The following CACNA1C variants were observed in gnomAD, a reference collection of about 807,000 sequenced individuals.
CACNA1C encodes the protein voltage-dependent L-type calcium channel subunit alpha-1C.
Under a neutral mutation model 229.0 loss-of-function variants are expected in CACNA1C, and 30 were observed. The observed-to-expected ratio is 0.13, with a 90% CI of 0.10 to 0.18. The LOEUF is 0.18. Ranked by LOEUF, CACNA1C falls within the 10% of genes least tolerant of loss-of-function variation. The pLI is 1.00. For synonymous variants in CACNA1C, 1,114 were observed against 1,132.5 expected, an observed-to-expected ratio of 0.98 and a Z score of 0.33; for missense variants, 1,658 against 2,845.0, an observed-to-expected ratio of 0.58 and a Z score of 9.49.
At chr12:2,320,566 T>G (rs925778303) in intron 3 of CACNA1C, among the ~76,000 whole-genome samples, 1 of 152,190 alleles carries the variant, frequency 6.6e-6, no homozygotes, top group Admixed American at 6.5e-5. Context: ...GTGGATACCG[T>G]AAGGGGCTGG....
At chr12:1,998,073 C>A (rs2041359136) in intron 1 of CACNA1C, 3 of 1,030,952 alleles carry the variant, frequency 2.9e-6, no homozygotes, top group Non-Finnish European at 1.4e-6. Context: ...TATATAACTT[C>A]AATGGGCCAA....
intron 1 of CACNA1C, among the ~76,000 whole-genome samples, chr12:2,092,502 T>C (rs1252014180): frequency 6.6e-6 from 1 of 152,088 alleles, no homozygotes; most frequent in Non-Finnish European, 1.5e-5. Context: ...GGACGTGGCA[T>C]TGAGGGGCAA....
chr12:2,536,431 G>T (rs1208995564), intron 9 of CACNA1C, among the ~76,000 whole-genome samples: 4 of 152,120 alleles, frequency 2.6e-5, no homozygotes, highest in Non-Finnish European at 5.9e-5. Flanking sequence ...AGAAAGGGAG[G>T]CAGCACTGAT....
intron 13 of CACNA1C, among the ~76,000 whole-genome samples, chr12:2,576,341 G>A (rs1006520195): frequency 1.3e-5 from 2 of 152,146 alleles, no homozygotes; most frequent in East Asian, 1.9e-4. Flanking sequence ...GCTGGACACC[G>A]GCACCCGGGT....
intron 3 of CACNA1C, among the ~76,000 whole-genome samples, chr12:2,260,759 A>G (rs895518640): frequency 6.6e-6 from 1 of 152,190 alleles, no homozygotes; most frequent in East Asian, 1.9e-4. Context: ...GGGGTTAATT[A>G]TATATACCTT....
intron 1 of CACNA1C, among the ~76,000 whole-genome samples, chr12:2,094,274 G>A (rs372786584): frequency 3.9e-5 from 6 of 152,204 alleles, no homozygotes; most frequent in African/African-American, 1.4e-4. Flanking sequence ...CAGAAGCTGA[G>A]CCCTATGGAC....
chr12:2,535,816 G>A (rs1006472254), intron 9 of CACNA1C, among the ~76,000 whole-genome samples: 1 of 151,716 alleles, frequency 6.6e-6, no homozygotes, highest in African/African-American at 2.4e-5. Context: ...AAAACAAACT[G>A]CAAGCATCCA....
intron 3 of CACNA1C, among the ~76,000 whole-genome samples, chr12:2,200,821 T>C (rs2097561452): frequency 6.6e-6 from 1 of 152,166 alleles, no homozygotes; most frequent in African/African-American, 2.4e-5. Flanking sequence ...CCTGGAGATC[T>C]GGCAGACCCT....
chr12:2,282,537 A>C (rs2091611136), intron 3 of CACNA1C, among the ~76,000 whole-genome samples: 1 of 152,204 alleles, frequency 6.6e-6, no homozygotes, highest in Non-Finnish European at 1.5e-5. Flanking sequence ...GCTTTGTCTG[A>C]GACAATGACC....
intron 3 of CACNA1C, among the ~76,000 whole-genome samples, chr12:2,195,216 A>AGTGTCCCAAAGCCTCAGGGAG (rs2097364701): frequency 6.6e-6 from 1 of 152,158 alleles, no homozygotes; most frequent in Admixed American, 6.5e-5. Flanking sequence ...AGTGGGTTTT[A>AGTGTCCCAAAGCCTCAGGGAG]GTGTCCCAAA....
chr12:2,044,829 T>A (rs1289350110), intron 1 of CACNA1C, among the ~76,000 whole-genome samples: 1 of 152,200 alleles, frequency 6.6e-6, no homozygotes, highest in African/African-American at 2.4e-5. Context: ...GAACCAGAAA[T>A]GTTCCTGGCT....
chr12:2,052,953 G>T (rs891079333), upstream of CACNA1C: 15 of 978,628 alleles, frequency 1.5e-5, no homozygotes, highest in Middle Eastern at 5.2e-4. Context: ...GGCTGGGCCG[G>T]GGGGAGTGAG....
intron 3 of CACNA1C, among the ~76,000 whole-genome samples, chr12:2,439,910 C>G (rs947655638): frequency 6.6e-6 from 1 of 152,020 alleles, no homozygotes; most frequent in African/African-American, 2.4e-5. Flanking sequence ...CCAGACCGTT[C>G]GGAGCAGCAG....
At chr12:2,621,149 A>T (rs765361261) in intron 29 of CACNA1C, among the ~76,000 whole-genome samples, 2 of 152,118 alleles carry the variant, frequency 1.3e-5, no homozygotes, top group Admixed American at 6.5e-5. Context: ...CTCAGTGATG[A>T]TGTTGAAGCA....
chr12:2,015,387 T>C (rs2045181678), intron 1 of CACNA1C, among the ~76,000 whole-genome samples: 1 of 152,166 alleles, frequency 6.6e-6, no homozygotes, highest in South Asian at 2.1e-4. Context: ...TGGAGTCAGA[T>C]GTGGAGAGTC....
intron 34 of CACNA1C, among the ~76,000 whole-genome samples, chr12:2,659,554 A>T (rs1401351672): frequency 3.9e-5 from 6 of 152,210 alleles, no homozygotes; most frequent in Non-Finnish European, 7.3e-5. Flanking sequence ...ACCAGATCTT[A>T]AACGTATGAG....
chr12:2,679,573 G>A lies in CACNA1C; in HGVS notation c.5221G>A (p.Glu1741Lys), dbSNP rs1556107475. The A allele has an allele frequency of 6.2e-7, 1 of 1,613,680 alleles. No homozygotes were observed. Among genetic ancestry groups the A allele is most frequent in the African/African-American group, 1.3e-5 (1 of 75,058 alleles). Residue 1741 changes from glutamate to lysine, a missense_variant, in exon 42 of 47, where the codon GAG becomes AAG. Glu to Lys is a moderately conservative substitution (Grantham distance 56, BLOSUM62 1). Around this residue, in one of 20 missense-constraint regions of CACNA1C, gnomAD observed 590 missense variants for 700.8 expected, o/e 0.84. Transcript: ENST00000399655. This position sits in a 1 kb window ranked among gnomAD's most constrained non-coding sequence, Gnocchi z 5.5. ...GGCGGGCAGCAGCCAGGGCGACACT[G>A]AGTCGCCATCCCACGAGAAGCTGGT... The part of the protein sequence containing the change: ...NKAGSSQGDT[E>K]SPSHEKLVDS...
chr12:1,971,133 C>A lies in CACNA1C; in HGVS notation c.71C>A (p.Thr24Lys), dbSNP rs565973402. 2 of 1,288,996 alleles carry A rather than the reference C, an allele frequency of 1.6e-6. No individual in the cohort carries two copies. The highest frequency in any genetic ancestry group is 4.6e-5 in the Admixed American group (2 of 43,556). The allele number at this position is 1,288,996 out of a possible 1,614,324, so 79.8% of individuals were successfully genotyped here. A position where few individuals can be genotyped will look rare whatever the true frequency, so the allele number is the denominator to read the frequency against. ...CTTCCCAGCCACCTGTCTGCCAACA[C>A]GGAGGTCAAGTTTAAGGGTACTTTG... Residue 24 changes from threonine (T) to lysine (K), a missense_variant, in exon 1 of 47, where the codon ACG (threonine) becomes AAG (lysine). Coordinates refer to the CACNA1C transcript ENST00000682462. This position sits in a 1 kb window ranked among gnomAD's most constrained non-coding sequence, Gnocchi z 4.2.
At chr12:2,239,015 A>G (rs966978170) in intron 3 of CACNA1C, among the ~76,000 whole-genome samples, 1 of 152,256 alleles carries the variant, frequency 6.6e-6, no homozygotes, top group Non-Finnish European at 1.5e-5. Flanking sequence ...TAAGAGGATT[A>G]CATGACATAA....
Sources: gnomAD v4.1 joint callset for allele counts (sites outside exome capture counted in the v4.1 genomes callset) on GRCh38, gnomAD v4.1.1 for gene constraint, gnomAD v4.1.1 regional missense constraint, Gnocchi (gnomAD v3.1) non-coding constraint, MANE v1.5 for transcripts, NCBI Gene and HGNC (gene_info 2026-07-23, HGNC 2026-07-21) for gene names.